The following CUL5 variants were observed in gnomAD, a reference collection of about 807,000 sequenced individuals.
CUL5 encodes the protein cullin-5.
Under a neutral mutation model 108.8 loss-of-function variants are expected in CUL5, and 26 were observed. That is an observed-to-expected ratio of 0.24 (90% CI 0.18 to 0.33). The LOEUF is 0.33. CUL5 is among the 10% of genes least tolerant of loss of function. The probability of loss-of-function intolerance (pLI) is 1.00; values close to 1 mark genes in which losing one functional copy is unlikely to be tolerated. For missense variants in CUL5, 524 were observed against 909.2 expected, an observed-to-expected ratio of 0.58 and a Z score of 5.45; for synonymous variants, 334 against 298.0, an observed-to-expected ratio of 1.12 and a Z score of -1.25.
intron 7 of CUL5, among the ~76,000 whole-genome samples, chr11:108,060,841 A>C (rs73557117): frequency 0.02 from 3,099 of 151,842 alleles, 114 homozygotes; most frequent in African/African-American, 0.071. Context: ...AAAAAAAAAG[A>C]ATAAGAATCT....
intron 2 of CUL5, among the ~76,000 whole-genome samples, chr11:108,034,923 G>T (rs912877914): frequency 9.2e-5 from 14 of 152,064 alleles, no homozygotes; most frequent in Non-Finnish European, 1.5e-4. Context: ...TTTTCAAAAT[G>T]GGCTTATGTT....
intron 1 of CUL5, among the ~76,000 whole-genome samples, chr11:108,009,630 A>G (rs1862010521): frequency 6.6e-6 from 1 of 151,332 alleles, no homozygotes; most frequent in African/African-American, 2.4e-5. Flanking sequence ...GATGCTTTCA[A>G]GGGACCAGCT....
chr11:108,070,798 T>C (rs2135181367), intron 8 of CUL5, among the ~76,000 whole-genome samples: 1 of 152,302 alleles, frequency 6.6e-6, no homozygotes, highest in Admixed American at 6.5e-5. Flanking sequence ...CCAGGTTTTA[T>C]TATATCTAAC....
At chr11:108,052,968 T>G (rs988781972) in intron 5 of CUL5, among the ~76,000 whole-genome samples, 167 bp downstream of exon 5, 1 of 152,224 alleles carries the variant, frequency 6.6e-6, no homozygotes, top group Non-Finnish European at 1.5e-5. Flanking sequence ...CTTAAAAGAA[T>G]GTATAAAAAT....
intron 10 of CUL5, among the ~76,000 whole-genome samples, chr11:108,077,404 G>C (rs542751038): frequency 3.3e-5 from 5 of 152,204 alleles, no homozygotes; most frequent in Non-Finnish European, 7.3e-5. Flanking sequence ...CCAGCACTTT[G>C]AGAGGCTGAG....
chr11:108,031,419 A>C (rs753074759), intron 1 of CUL5, among the ~76,000 whole-genome samples: 7 of 151,982 alleles, frequency 4.6e-5, no homozygotes, highest in Non-Finnish European at 1.0e-4. Context: ...GGTGTACTAG[A>C]AAGTTAGGTT....
intron 3 of CUL5, among the ~76,000 whole-genome samples, chr11:108,049,458 C>G (rs1464596771): frequency 6.6e-6 from 1 of 152,036 alleles, no homozygotes; most frequent in African/African-American, 2.4e-5. Context: ...CCTCCCACCT[C>G]AACCTCCTAA....
rs987359122 is a variant in CUL5 at position 108,072,553 on chromosome 11, C to G, written c.1005+91C>G. 13 of 1,135,234 alleles carry G rather than the reference C, an allele frequency of 1.1e-5. No homozygotes were observed. The African/African-American group carries it at 1.9e-4, about 16-fold the overall frequency. 70.3% of individuals were successfully genotyped at this position (1,135,234 alleles called of 1,614,324 possible). On this transcript the variant is annotated intron_variant, in intron 9 of 18. Coordinates refer to ENST00000393094, the MANE Select transcript of CUL5 (RefSeq NM_003478.6). ...GAAAATAGTGAGCGGTTACCAGAGG[C>G]TGGGGGTTGGGGGAGCAGAAGAGGT...
chr11:108,017,866 A>G (rs1048972043), intron 1 of CUL5, among the ~76,000 whole-genome samples: 1 of 151,978 alleles, frequency 6.6e-6, no homozygotes, highest in Non-Finnish European at 1.5e-5. Flanking sequence ...AAGTGTTCGG[A>G]AGGTGGAGCC....
At chr11:108,061,659 C>G (rs949175279) in intron 7 of CUL5, among the ~76,000 whole-genome samples, 6 of 152,068 alleles carry the variant, frequency 3.9e-5, no homozygotes, top group African/African-American at 1.4e-4. Context: ...TTTTGCCTCC[C>G]TTCCCTCCTG....
chr11:108,017,554 A>G (rs369076120), intron 1 of CUL5, among the ~76,000 whole-genome samples: 16 of 152,322 alleles, frequency 1.1e-4, no homozygotes, highest in African/African-American at 3.8e-4. Flanking sequence ...AAACAACGTG[A>G]TAAGAATGTT....
At chr11:108,100,447 G>C (rs1270902626) in intron 18 of CUL5, among the ~76,000 whole-genome samples, 1 of 152,148 alleles carries the variant, frequency 6.6e-6, no homozygotes, top group African/African-American at 2.4e-5. Context: ...GGGGTGCTGA[G>C]GCAGGAGAAT....
chr11:108,098,572 AGTT>A, intron 18 of CUL5, 43 bp downstream of exon 18: 1 of 1,072,470 alleles, frequency 9.3e-7, no homozygotes, highest in Non-Finnish European at 1.2e-6. Context: ...AAAAAACTTT[AGTT>A]TTTTTTTTTT....
At position 108,102,322 on chromosome 11, in the gene CUL5, C is replaced by A. The variant is rs1044268092; in HGVS notation, c.2149-1868C>A. 2.0e-5 allele frequency among the ~76,000 whole-genome samples: 3 copies of A among 150,794 alleles called. No individual in the cohort carries two copies. The East Asian group carries it at 5.9e-4, about 30-fold the overall frequency. On this transcript the variant is annotated intron_variant, in intron 18 of 18. Transcript: ENST00000393094. Reference sequence around the variant, plus strand: ...GGATTACAGGCGTGAGCCACCATGCCCGGCCTATTTTTCTATTCTTTTGAG... The same window carrying A: ...GGATTACAGGCGTGAGCCACCATGCACGGCCTATTTTTCTATTCTTTTGAG...
chr11:108,063,665 TA>T (rs1591308831), intron 7 of CUL5, among the ~76,000 whole-genome samples: 2 of 148,414 alleles, frequency 1.3e-5, no homozygotes, highest in East Asian at 3.9e-4. Flanking sequence ...TTAAAAAAAA[TA>T]AATAAATAGT....
At chr11:108,103,529 T>C (rs1305180187) in intron 18 of CUL5, among the ~76,000 whole-genome samples, 3 of 152,176 alleles carry the variant, frequency 2.0e-5, no homozygotes, top group South Asian at 4.1e-4. Context: ...TTAATGACTT[T>C]TAAAACAGAC....
intron 4 of CUL5, among the ~76,000 whole-genome samples, chr11:108,051,287 C>G (rs1483942436): frequency 6.6e-6 from 1 of 151,794 alleles, no homozygotes; most frequent in South Asian, 2.1e-4. Flanking sequence ...TTTGGCCATT[C>G]TATTGGTTGT....
chr11:108,073,053 A>G (rs1863862056), intron 9 of CUL5, among the ~76,000 whole-genome samples: 1 of 151,880 alleles, frequency 6.6e-6, no homozygotes, highest in South Asian at 2.1e-4. Context: ...TACAAAAAAA[A>G]TAGCCAGGCG....
chr11:108,098,472 A>C lies in CUL5; in HGVS notation c.2091A>C (p.Glu697Asp). The C allele has an allele frequency of 6.2e-7, 1 of 1,602,952 alleles. No individual in the cohort carries two copies. The highest frequency in any genetic ancestry group is 2.3e-5 in the East Asian group (1 of 44,032). ...TTGGACGTTTGCAGCTCACTACAGA[A>C]AGGATGAGAGAAGAAGAGAATGAAG... ...NLIGRLQLTT[E>D]RMREEENEGI... The change falls in exon 18 of 19, where the codon GAA (glutamate) becomes GAC (aspartate). Residue 697 changes from glutamate (E) to aspartate (D), a missense_variant. By Grantham distance (45) the Glu-to-Asp change is conservative (BLOSUM62 2). This residue lies in a region of CUL5 where 66 missense variants were observed against 81.4 expected (regional missense o/e 0.81). Transcript: ENST00000393094.
Sources: allele counts gnomAD v4.1 joint callset (sites outside exome capture counted in the v4.1 genomes callset), GRCh38; gene constraint gnomAD v4.1.1; regional missense constraint gnomAD v4.1.1; transcripts MANE v1.5; gene names NCBI Gene and HGNC (gene_info 2026-07-23, HGNC 2026-07-21).